Variants in STARD3 observed in about 807,000 individuals in gnomAD.
The protein encoded by STARD3 is StAR related lipid transfer domain containing 3.
STARD3 carries 39 observed loss-of-function variants against 62.0 expected under a neutral mutation model. That is an observed-to-expected ratio of 0.63 (90% confidence interval 0.49 to 0.82). STARD3 has a LOEUF of 0.82. STARD3 is among the 40% of genes least tolerant of loss of function. STARD3 has a pLI of 0.00. For synonymous variants in STARD3, 229 were observed against 242.4 expected, an observed-to-expected ratio of 0.94 and a Z score of 0.51; for missense variants, 543 against 584.5, an observed-to-expected ratio of 0.93 and a Z score of 0.73.
chr17:39,653,397 G>C, intron 1 of STARD3, 84 bp from the exon 2 acceptor site: 1 of 928,012 alleles, frequency 1.1e-6, no homozygotes, highest in Non-Finnish European at 1.6e-6. Flanking sequence ...AGACAAATGC[G>C]TTTGGGAGCC....
At position 39,662,963 on chromosome 17, in the gene STARD3, C is replaced by T; in HGVS notation, c.*55C>T. ...GTCCTGTCGCCACCACTTCCAGAGC[C>T]AGAAAGGGTGCCAGTTGGGCTCGCA... On this transcript the variant is annotated 3_prime_UTR_variant, in exon 15 of 15. Transcript: ENST00000336308. 1 of 1,539,498 alleles carries T rather than the reference C, an allele frequency of 6.5e-7. No homozygotes were observed. The highest frequency in any genetic ancestry group is 8.8e-7 in the Non-Finnish European group (1 of 1,134,128).
chr17:39,638,883 T>C (rs1302252124), intron 1 of STARD3, among the ~76,000 whole-genome samples: 1 of 152,190 alleles, frequency 6.6e-6, no homozygotes. Flanking sequence ...GGCTCATGCA[T>C]TAATCCTAGT....
At chr17:39,640,709 G>A (rs1261957562) in intron 1 of STARD3, among the ~76,000 whole-genome samples, 1 of 152,170 alleles carries the variant, frequency 6.6e-6, no homozygotes, top group Non-Finnish European at 1.5e-5. Flanking sequence ...CACAGAACTG[G>A]GGGCATCCCT....
chr17:39,659,878 C>T, intron 9 of STARD3: 4 of 509,164 alleles, frequency 7.9e-6, no homozygotes, highest in Admixed American at 3.5e-5. Context: ...CTACAAAGAT[C>T]GTAGAGAGCT....
intron 2 of STARD3, chr17:39,656,748 C>G: frequency 2.1e-6 from 1 of 484,348 alleles, no homozygotes; most frequent in South Asian, 2.5e-5. Flanking sequence ...CAAGCCTGCC[C>G]CTTCCTGGGC....
intron 1 of STARD3, among the ~76,000 whole-genome samples, chr17:39,645,249 C>T (rs2144918397): frequency 6.6e-6 from 1 of 152,290 alleles, no homozygotes; most frequent in East Asian, 1.9e-4. Flanking sequence ...CTGCCCCTCC[C>T]CCAACCTGGA....
At chr17:39,638,254 T>G (rs1331374375) in intron 1 of STARD3, among the ~76,000 whole-genome samples, 1 of 152,234 alleles carries the variant, frequency 6.6e-6, no homozygotes, top group Non-Finnish European at 1.5e-5. Context: ...CCTGGCAGCT[T>G]GCAACCCAGT....
In STARD3 at chr17:39,660,715, T is replaced by TGGCAATAGCAGTTAGTAAAGGGGCCTG; in HGVS notation, c.955-92_955-66dup. On this transcript the variant is annotated intron_variant, in intron 11 of 14. Coordinates refer to ENST00000336308, the MANE Select transcript of STARD3 (RefSeq NM_006804.4). This position sits in a 1 kb window ranked among gnomAD's most constrained non-coding sequence, Gnocchi z 4.8. ...TCAGGCGCTGCCCAGGGCCTGCCTG[T>TGGCAATAGCAGTTAGTAAAGGGGCCTG]GGCAATAGCAGTTAGTAAAGGGGCC... 6.9e-7 allele frequency: 1 copy of TGGCAATAGCAGTTAGTAAAGGGGCCTG among 1,439,502 alleles called. No individual in the cohort carries two copies. Among genetic ancestry groups the TGGCAATAGCAGTTAGTAAAGGGGCCTG allele is most frequent in the Non-Finnish European group, 9.5e-7 (1 of 1,052,612 alleles). The allele number at this position is 1,439,502 out of a possible 1,614,324, so 89.2% of individuals were successfully genotyped here.
At chr17:39,637,800 T>C (rs1206064986) in intron 1 of STARD3, among the ~76,000 whole-genome samples, 1 of 152,182 alleles carries the variant, frequency 6.6e-6, no homozygotes, top group Non-Finnish European at 1.5e-5. Flanking sequence ...GTTTTCTTCG[T>C]ACCGCTCTGA....
chr17:39,657,223 A>G (rs2145007257), intron 3 of STARD3, 138 bp downstream of exon 3: 2 of 845,192 alleles, frequency 2.4e-6, no homozygotes, highest in Non-Finnish European at 3.7e-6. Context: ...GCCATCAGTC[A>G]TTAAAACCTT....
chr17:39,654,167 A>ATCAT lies in STARD3; in HGVS notation c.219+445_219+448dup, dbSNP rs3029514. The stretch of plus-strand genomic sequence containing the variant: ...GTTGGTTCATTCATTCGTTTGTTCG[A>ATCAT]TCATTCATTCATTCATTCATTCATT... On this transcript the variant is annotated intron_variant, in intron 2 of 14. Transcript: ENST00000336308. Among the ~76,000 whole-genome samples the ATCAT allele has an allele frequency of 4.7e-3, 712 of 151,406 alleles. 2 individuals carry two copies. The highest frequency in any genetic ancestry group is 0.015 in the South Asian group (74 of 4,786).
chr17:39,656,856 G>A (rs1336265707), intron 2 of STARD3, 152 bp from the exon 3 acceptor site: 1 of 671,370 alleles, frequency 1.5e-6, no homozygotes, highest in Non-Finnish European at 2.5e-6. Flanking sequence ...GAGATCCCTT[G>A]GTGCTTCCAG....
intron 1 of STARD3, among the ~76,000 whole-genome samples, chr17:39,644,160 T>G (rs1048021567): frequency 6.6e-6 from 1 of 152,172 alleles, no homozygotes; most frequent in Non-Finnish European, 1.5e-5. Context: ...CTCTAGCCTC[T>G]GGGGGATTTG....
rs1372913892 is a variant in STARD3, at chr17:39,637,207, C to CG, written c.-72dup. The CG allele has an allele frequency of 1.3e-5, 2 of 152,298 alleles. No homozygotes were observed. Among genetic ancestry groups the CG allele is most frequent in the African/African-American group, 4.8e-5 (2 of 41,464 alleles). 9.4% of individuals were successfully genotyped at this position (152,298 alleles called of 1,614,324 possible). ...GGACTGCGGTTGGGGCGGGAAGAGC[C>CG]GGGGCCGTGGCTGACATGGAGCAGG... On this transcript the variant is annotated 5_prime_UTR_variant, in exon 1 of 15. Coordinates refer to ENST00000336308, the MANE Select transcript of STARD3 (RefSeq NM_006804.4).
At chr17:39,641,856 G>A (rs2056985360) in intron 1 of STARD3, among the ~76,000 whole-genome samples, 1 of 152,104 alleles carries the variant, frequency 6.6e-6, no homozygotes, top group African/African-American at 2.4e-5. Context: ...GGACATTATG[G>A]ATCCACAGGC....
chr17:39,661,179 C>A, intron 13 of STARD3, 94 bp downstream of exon 13: 1 of 1,128,660 alleles, frequency 8.9e-7, no homozygotes. Context: ...GGGCACTTCC[C>A]CTGCTGAGGC....
intron 13 of STARD3, among the ~76,000 whole-genome samples, chr17:39,661,983 G>A (rs891764355): frequency 1.3e-5 from 2 of 152,286 alleles, no homozygotes; most frequent in Middle Eastern, 3.4e-3. Flanking sequence ...CTGGGAAGGT[G>A]GTGAGCTCTC....
intron 3 of STARD3, 126 bp from the exon 4 acceptor site, chr17:39,657,649 G>A (rs922523228): frequency 3.3e-5 from 31 of 945,736 alleles, no homozygotes; most frequent in African/African-American, 2.9e-4. Flanking sequence ...TGACTCAGTC[G>A]TTGTCCCCTG....
Position 39,659,570 on chromosome 17 carries a change from C to A in STARD3, c.795+17C>A. ...AAGAATAATGTAAGAAGCCCTCTCC[C>A]ACCTGACCTTCCCATGCGTGTTAGG... On this transcript the variant is annotated intron_variant, in intron 9 of 14. Transcript: ENST00000336308. 1 of 1,612,138 alleles carries A rather than the reference C, an allele frequency of 6.2e-7. No individual in the cohort carries two copies. Among genetic ancestry groups the A allele is most frequent in the South Asian group, 1.1e-5 (1 of 91,040 alleles).
Sources: allele counts gnomAD v4.1 joint callset (sites outside exome capture counted in the v4.1 genomes callset), GRCh38; gene constraint gnomAD v4.1.1; non-coding constraint Gnocchi (gnomAD v3.1); transcripts MANE v1.5; gene names NCBI Gene and HGNC (gene_info 2026-07-23, HGNC 2026-07-21).